The following TRIM37 variants were observed in gnomAD, a reference collection of about 807,000 sequenced individuals.
TRIM37 encodes the protein tripartite motif containing 37, also known as E3 ubiquitin-protein ligase TRIM37.
Under a neutral mutation model 129.8 loss-of-function variants are expected in TRIM37, and 80 were observed. The observed-to-expected ratio is 0.62, with a 90% CI of 0.51 to 0.74. The LOEUF (loss-of-function observed/expected upper bound fraction) is 0.74. TRIM37 is among the 30% of genes least tolerant of loss of function. The pLI is 0.00. For missense variants in TRIM37, 1,054 were observed against 1,176.5 expected (o/e 0.90, Z 1.52); for synonymous variants, 389 against 387.1 (o/e 1.00, Z -0.06).
intron 19 of TRIM37, among the ~76,000 whole-genome samples, chr17:59,025,037 G>A (rs2037073352): frequency 6.6e-6 from 1 of 152,154 alleles, no homozygotes; most frequent in Non-Finnish European, 1.5e-5. Flanking sequence ...ATACCAAATT[G>A]CGTTTTTGTA....
Position 59,068,991 on chromosome 17 carries a change from T to C in TRIM37, c.809+1832A>G, listed in dbSNP as rs539413017. Among the ~76,000 whole-genome samples, 3 of 152,310 alleles carry C rather than the reference T, an allele frequency of 2.0e-5. No individual in the cohort carries two copies. In the South Asian group the frequency reaches 6.2e-4, roughly 32 times the overall value. On this transcript the variant is annotated intron_variant, in intron 9 of 23. Transcript: ENST00000262294. The stretch of plus-strand genomic sequence containing the variant: ...GCTCACCCCACCCCACAAATAATTA[T>C]TCTGCTTAAAATGTCAACAATGCCA...
At chr17:59,020,584 C>T (rs1482735723) in intron 19 of TRIM37, among the ~76,000 whole-genome samples, 2 of 152,084 alleles carry the variant, frequency 1.3e-5, no homozygotes, top group Non-Finnish European at 2.9e-5. Flanking sequence ...GAGAAAACTA[C>T]ATCTGACAAG....
intron 10 of TRIM37, chr17:59,064,083 AC>A: frequency 2.9e-6 from 1 of 345,250 alleles, no homozygotes; most frequent in Non-Finnish European, 5.3e-6. Flanking sequence ...AGCAATGATC[AC>A]GCCACTGCAC....
At chr17:59,015,910 C>T (rs1023491868) in intron 20 of TRIM37, 111 bp from the exon 21 acceptor site, 9 of 1,040,058 alleles carry the variant, frequency 8.7e-6, no homozygotes, top group Admixed American at 2.0e-5. Flanking sequence ...ACCTGGGAGG[C>T]GGAGGTTGCA....
intron 7 of TRIM37, among the ~76,000 whole-genome samples, chr17:59,078,129 A>G (rs1267644666): frequency 6.6e-6 from 1 of 151,584 alleles, no homozygotes; most frequent in Non-Finnish European, 1.5e-5. Context: ...CATCTCAAAT[A>G]ATAATAATAA....
chr17:59,097,069 T>A (rs997367233), intron 2 of TRIM37, among the ~76,000 whole-genome samples: 6 of 152,146 alleles, frequency 3.9e-5, no homozygotes, highest in African/African-American at 1.4e-4. Flanking sequence ...AAATCCAATA[T>A]CCTTTCATGA....
Position 59,097,254 on chromosome 17 carries a change from T to C in TRIM37, c.124-5914A>G, listed in dbSNP as rs73319240. Reference sequence around the variant, plus strand: ...CAAGGATGCCAGCTTTTACCATTTCTATTTGACATAATACAGGTACTAAAA... The same window carrying C: ...CAAGGATGCCAGCTTTTACCATTTCCATTTGACATAATACAGGTACTAAAA... On this transcript the variant is annotated intron_variant, in intron 2 of 23. Coordinates refer to ENST00000262294, the MANE Select transcript of TRIM37 (RefSeq NM_015294.6). Among the ~76,000 whole-genome samples, 1,165 of 152,284 alleles carry C rather than the reference T, an allele frequency of 7.7e-3. 20 individuals carry two copies. Among genetic ancestry groups the C allele is most frequent in the African/African-American group, 0.026 (1,075 of 41,556 alleles).
intron 7 of TRIM37, among the ~76,000 whole-genome samples, chr17:59,077,874 A>T (rs1232433395): frequency 6.7e-6 from 1 of 148,902 alleles, no homozygotes; most frequent in Non-Finnish European, 1.5e-5. Flanking sequence ...CTGTTATCCC[A>T]GCACTTCGGG....
At chr17:59,074,158 C>G (rs887883600) in intron 8 of TRIM37, among the ~76,000 whole-genome samples, 5 of 152,190 alleles carry the variant, frequency 3.3e-5, no homozygotes, top group Admixed American at 2.0e-4. Flanking sequence ...ATTACAATGG[C>G]TATGATGTCA....
chr17:59,007,231 C>CCACCCACACACACA (rs60395023), intron 22 of TRIM37, among the ~76,000 whole-genome samples: 1,180 of 97,518 alleles, frequency 0.012, 35 homozygotes, highest in Non-Finnish European at 0.019. Context: ...CCCCACCCAC[C>CCACCCACACACACA]CACACACACA....
At chr17:58,986,533 A>G (rs1377183486) in intron 24 of TRIM37, among the ~76,000 whole-genome samples, 2 of 125,000 alleles carry the variant, frequency 1.6e-5, no homozygotes, top group African/African-American at 3.1e-5. Flanking sequence ...CTTTTTTGAG[A>G]CAAGAGTCCT....
chr17:59,091,509 TCATA>T lies in TRIM37; in HGVS notation c.124-173_124-170del, dbSNP rs1298142802. Among the ~76,000 whole-genome samples, 27 of 133,098 alleles carry T rather than the reference TCATA, an allele frequency of 2.0e-4. 1 individual carries two copies. Among genetic ancestry groups the T allele is most frequent in the Admixed American group, 4.4e-4 (5 of 11,400 alleles). 87.3% of individuals were successfully genotyped at this position (133,098 alleles called of 152,430 possible). On this transcript the variant is annotated intron_variant, in intron 2 of 23. Coordinates refer to ENST00000262294, the MANE Select transcript of TRIM37 (RefSeq NM_015294.6). ...ATATAATATATTATTATATAACATA[TCATA>T]TATATATAATGTATAATGTATAATA... is the stretch of plus-strand genomic sequence containing the variant.
chr17:58,981,583 G>A (rs1271453250), downstream of TRIM37: 1 of 152,596 alleles, frequency 6.6e-6, no homozygotes, highest in African/African-American at 2.4e-5. Flanking sequence ...CAATGAAAGT[G>A]GTAAATCAGT....
chr17:59,061,389 T>C (rs551309121), intron 11 of TRIM37, among the ~76,000 whole-genome samples: 1 of 151,346 alleles, frequency 6.6e-6, no homozygotes, highest in Non-Finnish European at 1.5e-5. Flanking sequence ...TCAACCTTAA[T>C]AAAAAAACAA....
chr17:58,991,622 C>G (rs557530751), intron 24 of TRIM37, among the ~76,000 whole-genome samples: 1 of 152,096 alleles, frequency 6.6e-6, no homozygotes, highest in Non-Finnish European at 1.5e-5. Flanking sequence ...AGACCAGGAT[C>G]GCTCTGAATA....
At chr17:58,995,015 C>G (rs1466533604), downstream of TRIM37, among the ~76,000 whole-genome samples, 1 of 152,094 alleles carries the variant, frequency 6.6e-6, no homozygotes, top group East Asian at 1.9e-4. Flanking sequence ...TCCCAAAGTA[C>G]TGGGATTACA....
chr17:59,083,959 C>T (rs1319607370), intron 5 of TRIM37, 43 bp downstream of exon 5: 1 of 1,503,690 alleles, frequency 6.7e-7, no homozygotes, highest in Admixed American at 1.7e-5. Context: ...TCAGTGCCTT[C>T]TAGCCTCTAA....
At chr17:58,988,093 A>G (rs992898621) in intron 24 of TRIM37, among the ~76,000 whole-genome samples, 3 of 152,236 alleles carry the variant, frequency 2.0e-5, no homozygotes, top group Non-Finnish European at 4.4e-5. Context: ...AGACATTAGC[A>G]CTAGTTTCGT....
the TRIM37 span, among the ~76,000 whole-genome samples, chr17:58,973,671 G>A: frequency 6.6e-6 from 1 of 151,446 alleles, no homozygotes; most frequent in Non-Finnish European, 1.5e-5. Context: ...AAAAAACAAA[G>A]GCCGGGCGCA....
Sources: gnomAD v4.1 joint callset for allele counts (sites outside exome capture counted in the v4.1 genomes callset) on GRCh38, gnomAD v4.1.1 for gene constraint, MANE v1.5 for transcripts, NCBI Gene and HGNC (gene_info 2026-07-23, HGNC 2026-07-21) for gene names.